Variants in AKAP6 observed in about 807,000 individuals in gnomAD.
AKAP6 encodes A-kinase anchor protein 6.
A neutral mutation model predicts 188.5 loss-of-function variants in AKAP6; 58 were observed. The observed-to-expected ratio is 0.31, with a 90% confidence interval of 0.25 to 0.38. The LOEUF is 0.38. Among genes scored for constraint, AKAP6 ranks in the 10% least tolerant of loss-of-function variants. AKAP6 has a pLI of 1.00. For synonymous variants in AKAP6, 989 were observed against 998.6 expected, an observed-to-expected ratio of 0.99 and a Z score of 0.18; for missense variants, 2,710 against 2,740.0, an observed-to-expected ratio of 0.99 and a Z score of 0.24.
chr14:32,584,560 A>G (rs1280404929), intron 5 of AKAP6, among the ~76,000 whole-genome samples: 2 of 152,134 alleles, frequency 1.3e-5, no homozygotes, highest in East Asian at 1.9e-4. Context: ...CCATGAAACA[A>G]TCACTGCAAT....
intron 7 of AKAP6, among the ~76,000 whole-genome samples, chr14:32,645,022 G>A (rs1487719696): frequency 6.6e-6 from 1 of 152,150 alleles, no homozygotes; most frequent in East Asian, 1.9e-4. Context: ...TCTGTGACCA[G>A]CCTAAATCTT....
rs547111266 is a variant in AKAP6 at position 32,638,340 on chromosome 14, C to T, written c.2730+37548C>T. Among the ~76,000 whole-genome samples, 5 of 152,202 alleles carry T rather than the reference C, an allele frequency of 3.3e-5. No homozygotes were observed. The South Asian group carries it at 1.0e-3, about 32-fold the overall frequency. ...TAAGGGCAGAGGCACTGGAGAATGT[C>T]AGCAGCCTGTGGCCTAACGGACAAT... On this transcript the variant is annotated intron_variant, in intron 7 of 13. Coordinates refer to ENST00000280979, the MANE Select transcript of AKAP6 (RefSeq NM_004274.5).
intron 8 of AKAP6, among the ~76,000 whole-genome samples, chr14:32,689,130 A>G (rs1269636251): frequency 6.6e-6 from 1 of 152,166 alleles, no homozygotes; most frequent in African/African-American, 2.4e-5. Flanking sequence ...CCAACTACTG[A>G]TTTAAAAATT....
At chr14:32,596,105 G>A (rs550191995) in intron 5 of AKAP6, among the ~76,000 whole-genome samples, 9 of 152,184 alleles carry the variant, frequency 5.9e-5, no homozygotes, top group South Asian at 2.1e-4. Context: ...TCAGGTGATC[G>A]AAAGTCTGTG....
chr14:32,595,682 C>T (rs1885666336), intron 5 of AKAP6, among the ~76,000 whole-genome samples: 1 of 151,908 alleles, frequency 6.6e-6, no homozygotes, highest in South Asian at 2.1e-4. Context: ...CTAATTTAGC[C>T]TTGTTTTTGC....
At chr14:32,600,912 T>G (rs1196916557) in intron 7 of AKAP6, 120 bp downstream of exon 7, 2 of 826,682 alleles carry the variant, frequency 2.4e-6, no homozygotes, top group Non-Finnish European at 3.5e-6. Context: ...ACTTTATATC[T>G]CTCTCTATAT....
At chr14:32,439,396 A>G (rs1036453391) in intron 2 of AKAP6, among the ~76,000 whole-genome samples, 1 of 151,902 alleles carries the variant, frequency 6.6e-6, no homozygotes, top group Admixed American at 6.6e-5. Context: ...TGTGGGGAGG[A>G]AAGGGGATGG....
intron 7 of AKAP6, among the ~76,000 whole-genome samples, chr14:32,666,532 G>A (rs944558827): frequency 4.0e-5 from 6 of 151,870 alleles, no homozygotes; most frequent in Admixed American, 2.0e-4. Context: ...TCCTATAATT[G>A]CCTTCATATC....
intron 1 of AKAP6, among the ~76,000 whole-genome samples, chr14:32,352,214 C>T (rs1566458836): frequency 6.6e-6 from 1 of 150,800 alleles, no homozygotes; most frequent in Non-Finnish European, 1.5e-5. Flanking sequence ...AACAGTCTTT[C>T]ATTGGTTAGC....
At chr14:32,742,967 A>C (rs12885843) in intron 11 of AKAP6, among the ~76,000 whole-genome samples, 150,184 of 152,212 alleles carry the variant, frequency 0.99, 74,127 homozygotes, top group Middle Eastern at 1. Flanking sequence ...AAAGTGGGTG[A>C]GTTGAAGTCT....
At chr14:32,528,137 G>T (rs1220502043) in intron 2 of AKAP6, among the ~76,000 whole-genome samples, 3 of 152,190 alleles carry the variant, frequency 2.0e-5, no homozygotes, top group Non-Finnish European at 4.4e-5. Context: ...AGGGTGTAAG[G>T]TCTATGTCTA....
At chr14:32,674,959 C>G (rs975346306) in intron 7 of AKAP6, among the ~76,000 whole-genome samples, 6 of 152,144 alleles carry the variant, frequency 3.9e-5, no homozygotes, top group African/African-American at 1.4e-4. Flanking sequence ...ATCCATTATA[C>G]TGGGTGAGCC....
At chr14:32,580,792 C>T (rs2139279578) in intron 5 of AKAP6, among the ~76,000 whole-genome samples, 1 of 151,960 alleles carries the variant, frequency 6.6e-6, no homozygotes, top group South Asian at 2.1e-4. Context: ...CTATGAGTGA[C>T]AACATGCGGT....
intron 7 of AKAP6, among the ~76,000 whole-genome samples, chr14:32,617,326 G>A (rs545945427): frequency 1.3e-5 from 2 of 151,952 alleles, no homozygotes; most frequent in Admixed American, 6.6e-5. Context: ...GGTTTATCTC[G>A]GTGGTCTGTC....
At chr14:32,607,914 C>T (rs1038451339) in intron 7 of AKAP6, among the ~76,000 whole-genome samples, 7 of 151,766 alleles carry the variant, frequency 4.6e-5, no homozygotes, top group African/African-American at 7.3e-5. Flanking sequence ...CCCTTTTTTT[C>T]GTTATCAGAA....
At chr14:32,617,782 C>T (rs557397873) in intron 7 of AKAP6, among the ~76,000 whole-genome samples, 2 of 152,232 alleles carry the variant, frequency 1.3e-5, no homozygotes, top group African/African-American at 2.4e-5. Flanking sequence ...TGTGCCACCA[C>T]GCCCAGCTAA....
At chr14:32,649,326 A>G (rs752726233) in intron 7 of AKAP6, among the ~76,000 whole-genome samples, 22 of 152,184 alleles carry the variant, frequency 1.4e-4, no homozygotes, top group Non-Finnish European at 2.4e-4. Context: ...GAAGAACCCA[A>G]TGTCACAGCC....
chr14:32,762,082 G>A (rs1011208882), intron 11 of AKAP6, among the ~76,000 whole-genome samples: 2 of 152,150 alleles, frequency 1.3e-5, no homozygotes, highest in Non-Finnish European at 2.9e-5. Flanking sequence ...TTAAGGAAAA[G>A]TATTTTGTAG....
chr14:32,495,075 C>G (rs569558377), intron 2 of AKAP6: 10 of 152,160 alleles, frequency 6.6e-5, no homozygotes, highest in Non-Finnish European at 1.2e-4. Flanking sequence ...ACTTAGCAGT[C>G]TGGGAGCTGA....
Sources: gnomAD v4.1 joint callset for allele counts (sites outside exome capture counted in the v4.1 genomes callset) on GRCh38, gnomAD v4.1.1 for gene constraint, MANE v1.5 for transcripts, NCBI Gene and HGNC (gene_info 2026-07-23, HGNC 2026-07-21) for gene names.